Variants in ATP13A4 observed in about 807,000 individuals in gnomAD.
ATP13A4 encodes the protein probable cation-transporting ATPase 13A4.
ATP13A4 carries 114 observed loss-of-function variants against 142.5 expected under a neutral mutation model. The observed-to-expected ratio is 0.80, with a 90% confidence interval of 0.69 to 0.93. ATP13A4 has a LOEUF of 0.93. Ranked by LOEUF, ATP13A4 falls within the 40% of genes least tolerant of loss-of-function variation. The pLI is 0.00. For missense variants in ATP13A4, 1,392 were observed against 1,454.0 expected (o/e 0.96, Z 0.69); for synonymous variants, 488 against 514.8 (o/e 0.95, Z 0.70).
rs1718586276 is a variant in ATP13A4 at position 193,470,973 on chromosome 3, A to G, written c.829T>C (p.Ser277Pro). ...GRKAGVQELESRVLVPGDLLI... is the reference protein window; with the variant it reads ...GRKAGVQELEPRVLVPGDLLI... ...AAATCTCCAGGCACCAGGACGCGTG[A>G]TTCCAGCTCTTGAACTCCAGCTGAA... Residue 277 changes from serine to proline, a missense_variant, in exon 9 of 30, where the codon TCA becomes CCA. Ser to Pro is a moderately conservative substitution (Grantham distance 74). Transcript: ENST00000342695. 1 of 1,614,088 alleles carries G rather than the reference A, an allele frequency of 6.2e-7. No homozygotes were observed. The highest frequency in any genetic ancestry group is 1.7e-5 in the Admixed American group (1 of 60,008).
At chr3:193,585,426 A>T (rs956955236) in intron 1 of ATP13A4, among the ~76,000 whole-genome samples, 1 of 152,092 alleles carries the variant, frequency 6.6e-6, no homozygotes, top group Admixed American at 6.5e-5. Context: ...GTCTCAAAAG[A>T]AAATAACAAC....
intron 2 of ATP13A4, among the ~76,000 whole-genome samples, chr3:193,560,235 G>T (rs1723985899): frequency 6.6e-6 from 1 of 151,206 alleles, no homozygotes; most frequent in African/African-American, 2.4e-5. Context: ...TTGAGACAGG[G>T]TCTCGCTCTG....
chr3:193,572,692 G>A (rs574545148), intron 2 of ATP13A4, among the ~76,000 whole-genome samples: 3 of 152,212 alleles, frequency 2.0e-5, no homozygotes, highest in Admixed American at 6.5e-5. Flanking sequence ...TACTAGAATC[G>A]TACTCCAGTT....
chr3:193,562,291 A>G (rs920181253), intron 2 of ATP13A4, among the ~76,000 whole-genome samples: 2 of 152,228 alleles, frequency 1.3e-5, no homozygotes, highest in Admixed American at 6.5e-5. Context: ...AATAAAAAGG[A>G]AAATAAAAGA....
chr3:193,446,304 G>A (rs1457180020), intron 18 of ATP13A4, among the ~76,000 whole-genome samples: 1 of 152,172 alleles, frequency 6.6e-6, no homozygotes, highest in Non-Finnish European at 1.5e-5. Context: ...AAACAATAGG[G>A]AAATCTTTTC....
chr3:193,437,825 A>ATT (rs372139378), intron 23 of ATP13A4, among the ~76,000 whole-genome samples: 10,648 of 102,736 alleles, frequency 0.1, 639 homozygotes, highest in East Asian at 0.18. Context: ...GCCAATAAAG[A>ATT]TTTTTTTTTT....
At chr3:193,505,330 G>C (rs1209105693) in intron 2 of ATP13A4, among the ~76,000 whole-genome samples, 1 of 152,162 alleles carries the variant, frequency 6.6e-6, no homozygotes, top group Non-Finnish European at 1.5e-5. Flanking sequence ...AATGCCTAAA[G>C]AGGGAAAAGC....
intron 29 of ATP13A4, among the ~76,000 whole-genome samples, chr3:193,406,026 C>T (rs1714474628): frequency 6.6e-6 from 1 of 152,160 alleles, no homozygotes; most frequent in Admixed American, 6.6e-5. Context: ...TAGCATATTG[C>T]TTCTCAAAGT....
At chr3:193,534,077 G>T (rs558514356) in intron 1 of ATP13A4, among the ~76,000 whole-genome samples, 2 of 152,132 alleles carry the variant, frequency 1.3e-5, no homozygotes, top group Non-Finnish European at 2.9e-5. Context: ...AGCTAGAGAG[G>T]TATCAGTGGA....
At position 193,493,128 on chromosome 3, in the gene ATP13A4, A is replaced by G. The variant is rs772993674; in HGVS notation, c.414T>C (p.Tyr138=). ...ACTGTCCTTCTAAGTAGTTCCAAAC[A>G]TATCTTATTTTCTGCACTTTGATGC... The part of the protein sequence containing the change: ...VRCIKVQKIR[Y]VWNYLEGQFQ... The change falls in exon 4 of 30, where the codon TAT becomes TAC. Residue 138 remains tyrosine (Y), a synonymous_variant. Transcript: ENST00000342695. The G allele has an allele frequency of 1.9e-6, 3 of 1,613,168 alleles. No individual in the cohort carries two copies. The highest frequency in any genetic ancestry group is 1.7e-4 in the Middle Eastern group (1 of 6,040).
In ATP13A4 at chr3:193,399,401, T is replaced by C. The variant is rs1001591659; in HGVS notation, c.*3251A>G. 4.6e-5 allele frequency among the ~76,000 whole-genome samples: 7 copies of C among 152,154 alleles called. No individual in the cohort carries two copies. The highest frequency in any genetic ancestry group is 7.4e-5 in the Non-Finnish European group (5 of 68,010). ...ACAATCAGGACCCCTACTCTGCCCC[T>C]CTTTCCTAGGATCTTATCTCCATTA... On this transcript the variant is annotated 3_prime_UTR_variant, in exon 30 of 30. Coordinates refer to ENST00000342695, the MANE Select transcript of ATP13A4 (RefSeq NM_032279.4).
chr3:193,477,538 T>A (rs1719037907), intron 8 of ATP13A4, among the ~76,000 whole-genome samples: 1 of 152,088 alleles, frequency 6.6e-6, no homozygotes, highest in South Asian at 2.1e-4. Flanking sequence ...ATGAGAATTA[T>A]CTTCCCACTG....
intron 21 of ATP13A4, 160 bp from the exon 22 acceptor site, chr3:193,439,225 G>A (rs1716479179): frequency 1.4e-6 from 1 of 725,230 alleles, no homozygotes; most frequent in African/African-American, 1.8e-5. Flanking sequence ...TGATTCAGCA[G>A]TTAATACAAT....
chr3:193,582,770 ATT>A (rs1269660610), intron 1 of ATP13A4, among the ~76,000 whole-genome samples: 2 of 52,514 alleles, frequency 3.8e-5, no homozygotes, highest in Non-Finnish European at 6.1e-5. Context: ...ATATATGTAT[ATT>A]ACATATATAA....
intron 17 of ATP13A4, among the ~76,000 whole-genome samples, chr3:193,449,992 G>A (rs576927820): frequency 6.6e-5 from 10 of 152,002 alleles, no homozygotes; most frequent in South Asian, 6.2e-4. Context: ...GGTGCCAGGC[G>A]CCTGTAATCC....
At chr3:193,587,366 A>T (rs2108749635) in intron 1 of ATP13A4, among the ~76,000 whole-genome samples, 1 of 151,778 alleles carries the variant, frequency 6.6e-6, no homozygotes, top group Non-Finnish European at 1.5e-5. Flanking sequence ...ATCACTCCAA[A>T]CTCTGCCTGT....
chr3:193,591,078 T>G (rs867472290), intron 1 of ATP13A4, among the ~76,000 whole-genome samples: 35 of 152,262 alleles, frequency 2.3e-4, no homozygotes, highest in Admixed American at 7.8e-4. Flanking sequence ...GCTTGTTTGT[T>G]TTTGAGACGG....
In ATP13A4 at chr3:193,450,897, T is replaced by C. The variant is rs542247196; in HGVS notation, c.2028-2567A>G. On this transcript the variant is annotated intron_variant, in intron 17 of 29. Coordinates refer to ENST00000342695, the MANE Select transcript of ATP13A4 (RefSeq NM_032279.4). ...GGGTGGAGGTCATTAAGGAGTCAAG[T>C]GAAAACACTATACAAACTGCATGAT... 3.3e-5 allele frequency among the ~76,000 whole-genome samples: 5 copies of C among 152,280 alleles called. No individual in the cohort carries two copies. The South Asian group carries it at 1.0e-3, about 32-fold the overall frequency.
intron 1 of ATP13A4, among the ~76,000 whole-genome samples, chr3:193,583,123 G>C (rs771769180): frequency 5.3e-5 from 8 of 150,978 alleles, no homozygotes; most frequent in Non-Finnish European, 7.4e-5. Context: ...TGGTCAATAC[G>C]TACTTTACTA....
Sources: gnomAD v4.1 joint callset for allele counts (sites outside exome capture counted in the v4.1 genomes callset) on GRCh38, gnomAD v4.1.1 for gene constraint, MANE v1.5 for transcripts, NCBI Gene and HGNC (gene_info 2026-07-23, HGNC 2026-07-21) for gene names.